AK5: variants seen among roughly 807,000 people sequenced by gnomAD.
AK5 encodes adenylate kinase 5.
AK5 carries 27 observed loss-of-function variants against 69.5 expected under a neutral mutation model. The ratio of observed to expected loss-of-function variants is 0.39; its 90% CI spans 0.29 to 0.54. The LOEUF is 0.54. Among genes scored for constraint, AK5 ranks in the 20% least tolerant of loss-of-function variants. The pLI, the probability that AK5 is intolerant of heterozygous loss-of-function variation, is 0.71. For synonymous variants in AK5, 260 were observed against 244.4 expected (o/e 1.06, Z -0.60); for missense variants, 531 against 700.4 (o/e 0.76, Z 2.73).
intron 9 of AK5, 127 bp from the exon 10 acceptor site, chr1:77,486,181 C>T (rs1655574158): frequency 4.8e-6 from 3 of 625,824 alleles, no homozygotes; most frequent in African/African-American, 3.8e-5. Flanking sequence ...CCTATTCACA[C>T]ATTTATTCAA....
chr1:77,405,399 G>C (rs17380099), intron 6 of AK5, among the ~76,000 whole-genome samples: 3 of 152,172 alleles, frequency 2.0e-5, no homozygotes, highest in Non-Finnish European at 4.4e-5. Flanking sequence ...GTGCCCCCTT[G>C]GCCTCGGTTG....
At chr1:77,534,348 C>T (rs536948535) in intron 12 of AK5, among the ~76,000 whole-genome samples, 4 of 152,290 alleles carry the variant, frequency 2.6e-5, no homozygotes, top group African/African-American at 9.6e-5. Flanking sequence ...TGGGGAGACT[C>T]ATAACACAGA....
intron 8 of AK5, among the ~76,000 whole-genome samples, chr1:77,425,388 C>A (rs1651132105): frequency 6.6e-6 from 1 of 152,118 alleles, no homozygotes; most frequent in Non-Finnish European, 1.5e-5. Context: ...GAGTTTGAGA[C>A]CAGCTTGGCC....
Position 77,410,989 on chromosome 1 carries a change from C to T in AK5, c.900C>T (p.Ala300=), listed in dbSNP as rs140334353. ...QEKGLIMTFD[A]DRDEDEVFYD... ...GTCCTGATTTCCCCCAGTTTGATGCCGACCGCGATGAGGATGAGGTGTTCT... is the reference window on the plus strand; with the variant it reads ...GTCCTGATTTCCCCCAGTTTGATGCTGACCGCGATGAGGATGAGGTGTTCT... The change falls in exon 7 of 14, where the codon GCC becomes GCT. Residue 300 remains alanine (A), a synonymous_variant. Coordinates refer to ENST00000354567, the MANE Select transcript of AK5 (RefSeq NM_174858.3). The T allele has an allele frequency of 7.2e-5, 116 of 1,613,418 alleles. 1 individual carries two copies. Among genetic ancestry groups the T allele is most frequent in the Non-Finnish European group, 8.6e-5 (102 of 1,179,766 alleles).
In AK5 at chr1:77,559,866, C is replaced by T. The variant is rs3509; in HGVS notation, c.*1196C>T. The T allele has an allele frequency of 0.67, 101,359 of 152,010 alleles. 35,321 individuals carry two copies. The highest frequency in any genetic ancestry group is 0.77 in the Non-Finnish European group (52,601 of 67,946). 9.4% of individuals were successfully genotyped at this position (152,010 alleles called of 1,614,324 possible). A position where few individuals can be genotyped will look rare whatever the true frequency, so the allele number is the denominator to read the frequency against. ...GAATTTTTTTTTTTTTCTTCAATGG[C>T]TGTGCAGATAAGGATCCATTTCTGG... On this transcript the variant is annotated 3_prime_UTR_variant, in exon 14 of 14. Coordinates refer to ENST00000354567, the MANE Select transcript of AK5 (RefSeq NM_174858.3).
chr1:77,557,896 AC>A (rs542212755), intron 13 of AK5, among the ~76,000 whole-genome samples: 3 of 122,890 alleles, frequency 2.4e-5, no homozygotes, highest in African/African-American at 9.1e-5. Context: ...TACTCATCCC[AC>A]CCCCCACCGC....
At position 77,559,363 on chromosome 1, in the gene AK5, T is replaced by A. The variant is rs112338588; in HGVS notation, c.*693T>A. The A allele has an allele frequency of 6.6e-6, 1 of 152,200 alleles. No individual in the cohort carries two copies. The highest frequency in any genetic ancestry group is 1.5e-5 in the Non-Finnish European group (1 of 68,028). 9.4% of individuals were successfully genotyped at this position (152,200 alleles called of 1,614,324 possible). On this transcript the variant is annotated 3_prime_UTR_variant, in exon 14 of 14. Coordinates refer to ENST00000354567, the MANE Select transcript of AK5 (RefSeq NM_174858.3). ...TTTTTAGAAACTTGGAATACTGTCG[T>A]CATGGCTAAGAGAACAAATCTGATA...
At chr1:77,399,992 C>T (rs1649098686) in intron 6 of AK5, among the ~76,000 whole-genome samples, 1 of 152,234 alleles carries the variant, frequency 6.6e-6, no homozygotes, top group Non-Finnish European at 1.5e-5. Context: ...TTCTGATTTC[C>T]TGGCCAGTCT....
At chr1:77,436,463 A>G (rs1651966718) in intron 8 of AK5, among the ~76,000 whole-genome samples, 1 of 151,828 alleles carries the variant, frequency 6.6e-6, no homozygotes, top group Admixed American at 6.6e-5. Context: ...AATTTTGGAA[A>G]CATGTTTCCT....
At position 77,335,753 on chromosome 1, in the gene AK5, G is replaced by T. The variant is rs537085500; in HGVS notation, c.700-4624G>T. 5.9e-5 allele frequency among the ~76,000 whole-genome samples: 9 copies of T among 152,200 alleles called. No homozygotes were observed. In the East Asian group the frequency reaches 1.7e-3, roughly 29 times the overall value. The stretch of plus-strand genomic sequence containing the variant: ...ACGCCTACCTGCTGTGGTGATCTTG[G>T]CTATTTTGTATTTTAATCTTTTTTA... On this transcript the variant is annotated intron_variant, in intron 5 of 13. Transcript: ENST00000354567.
chr1:77,339,918 C>A (rs1283780404), intron 5 of AK5, among the ~76,000 whole-genome samples: 1 of 152,040 alleles, frequency 6.6e-6, no homozygotes, highest in Non-Finnish European at 1.5e-5. Context: ...CCACGCCCAG[C>A]CAGCAATATC....
At chr1:77,301,177 G>T (rs1659322767) in intron 5 of AK5, among the ~76,000 whole-genome samples, 2 of 152,146 alleles carry the variant, frequency 1.3e-5, no homozygotes, top group Non-Finnish European at 2.9e-5. Context: ...GCTTGACTGG[G>T]CAGCTTTTTT....
intron 10 of AK5, among the ~76,000 whole-genome samples, chr1:77,490,788 T>C (rs1655940173): frequency 1.3e-5 from 2 of 151,988 alleles, no homozygotes; most frequent in South Asian, 2.1e-4. Flanking sequence ...TTTTCTTTTT[T>C]TTTTTTTTTA....
At chr1:77,282,959 G>A (rs1658142912) in intron 1 of AK5, 6 of 985,586 alleles carry the variant, frequency 6.1e-6, no homozygotes, top group Non-Finnish European at 7.2e-6. Flanking sequence ...TTCGCTGAAT[G>A]AACTCCTGAG....
chr1:77,501,391 A>G (rs2647512), intron 10 of AK5, among the ~76,000 whole-genome samples: 149,292 of 152,322 alleles, frequency 0.98, 73,226 homozygotes, highest in Non-Finnish European at 1. Context: ...GGAATGCCTC[A>G]TCAGGCAATT....
intron 5 of AK5, among the ~76,000 whole-genome samples, chr1:77,317,878 A>G (rs923665776): frequency 4.6e-5 from 7 of 152,226 alleles, no homozygotes; most frequent in Non-Finnish European, 8.8e-5. Context: ...GCGGAACCCA[A>G]GAATCTGCAA....
chr1:77,453,717 T>C (rs1340862532), intron 8 of AK5, among the ~76,000 whole-genome samples: 1 of 152,242 alleles, frequency 6.6e-6, no homozygotes, highest in Non-Finnish European at 1.5e-5. Flanking sequence ...AGTTGGGAAA[T>C]CAGCTCAGCC....
At chr1:77,388,352 G>A (rs910747112) in intron 6 of AK5, among the ~76,000 whole-genome samples, 1 of 152,192 alleles carries the variant, frequency 6.6e-6, no homozygotes, top group African/African-American at 2.4e-5. Context: ...AAGTGAAACA[G>A]CAGTCACAGC....
chr1:77,314,166 T>C, intron 5 of AK5: 1 of 299,892 alleles, frequency 3.3e-6, no homozygotes, highest in Admixed American at 4.7e-5. Context: ...TAATTTTATA[T>C]GTGAGGAGAT....
Sources: allele counts gnomAD v4.1 joint callset (sites outside exome capture counted in the v4.1 genomes callset), GRCh38; gene constraint gnomAD v4.1.1; transcripts MANE v1.5; gene names NCBI Gene and HGNC (gene_info 2026-07-23, HGNC 2026-07-21).